The following CHST8 variants were observed in gnomAD, a reference collection of about 807,000 sequenced individuals.
CHST8 encodes carbohydrate sulfotransferase 8, also known as GALNAC-4-ST1.
In CHST8, 10 loss-of-function variants were observed where a neutral mutation model predicts 15.0. The ratio of observed to expected loss-of-function variants is 0.67; its 90% CI spans 0.41 to 1.13. CHST8 has a LOEUF of 1.13. CHST8 is among the 50% of genes most tolerant of loss of function. The probability of loss-of-function intolerance (pLI) is 0.00; values close to 1 mark genes in which losing one functional copy is unlikely to be tolerated. For missense variants in CHST8, 634 were observed against 608.2 expected (o/e 1.04, Z -0.45); for synonymous variants, 259 against 256.6 (o/e 1.01, Z -0.09).
chr19:33,694,052 A>G (rs2145264727), intron 3 of CHST8, among the ~76,000 whole-genome samples: 1 of 140,704 alleles, frequency 7.1e-6, no homozygotes, highest in South Asian at 2.3e-4. Flanking sequence ...ATATGTATAT[A>G]AAACTACAAT....
At chr19:33,682,456 G>A (rs1203675842) in intron 2 of CHST8, among the ~76,000 whole-genome samples, 2 of 152,112 alleles carry the variant, frequency 1.3e-5, no homozygotes, top group African/African-American at 4.8e-5. Context: ...CAGTCCAGTG[G>A]CATTAATTAC....
At chr19:33,719,066 C>A (rs1328992968) in intron 3 of CHST8, among the ~76,000 whole-genome samples, 1 of 152,102 alleles carries the variant, frequency 6.6e-6, no homozygotes, top group Non-Finnish European at 1.5e-5. Context: ...TCCTCTCCCC[C>A]ACCCCCCTGC....
Position 33,703,190 on chromosome 19 carries a change from C to A in CHST8, c.130+13799C>A, listed in dbSNP as rs1198118336. On this transcript the variant is annotated intron_variant, in intron 3 of 4. Transcript: ENST00000650847. ...GCCCTTTGCCCGGCTCTGTCCCCTTCCCCCAGCCTCACTTGGCCTGGAGTC... is the reference window on the plus strand; with the variant it reads ...GCCCTTTGCCCGGCTCTGTCCCCTTACCCCAGCCTCACTTGGCCTGGAGTC... 5.9e-5 allele frequency among the ~76,000 whole-genome samples: 9 copies of A among 152,314 alleles called. No homozygotes were observed. The East Asian group carries it at 1.7e-3, about 29-fold the overall frequency.
intron 3 of CHST8, among the ~76,000 whole-genome samples, chr19:33,757,939 G>T (rs1423987839): frequency 6.7e-6 from 1 of 149,640 alleles, no homozygotes; most frequent in Non-Finnish European, 1.5e-5. Flanking sequence ...CCAGCCCTTG[G>T]CTGGACCTGA....
chr19:33,631,858 G>A (rs1330482656), intron 1 of CHST8, among the ~76,000 whole-genome samples: 1 of 152,120 alleles, frequency 6.6e-6, no homozygotes, highest in Non-Finnish European at 1.5e-5. Context: ...CTTACCACTC[G>A]GTCACTGTGT....
At chr19:33,750,542 C>T (rs1007011720) in intron 3 of CHST8, among the ~76,000 whole-genome samples, 2 of 152,146 alleles carry the variant, frequency 1.3e-5, no homozygotes, top group South Asian at 2.1e-4. Context: ...ATAAGCCATC[C>T]CTGAAGGCTG....
At chr19:33,762,549 A>G (rs1407428092) in intron 3 of CHST8, among the ~76,000 whole-genome samples, 1 of 152,244 alleles carries the variant, frequency 6.6e-6, no homozygotes, top group Non-Finnish European at 1.5e-5. Flanking sequence ...AGGAAGATGC[A>G]GGCTCCGCTC....
At chr19:33,625,133 T>C (rs1333973118) in intron 1 of CHST8, among the ~76,000 whole-genome samples, 1 of 151,878 alleles carries the variant, frequency 6.6e-6, no homozygotes, top group Non-Finnish European at 1.5e-5. Flanking sequence ...TTGCCCAGGC[T>C]AGAGTGCAAT....
chr19:33,682,275 C>T (rs548834553), intron 2 of CHST8, among the ~76,000 whole-genome samples: 1 of 150,218 alleles, frequency 6.7e-6, no homozygotes, highest in Non-Finnish European at 1.5e-5. Flanking sequence ...TCACTGCAAC[C>T]TCTGCCTCCC....
intron 2 of CHST8, chr19:33,684,557 C>A (rs1170901145): frequency 6.6e-6 from 1 of 152,604 alleles, no homozygotes; most frequent in East Asian, 1.9e-4. Context: ...GCTGCCGCCG[C>A]CGCCGCTGCC....
intron 2 of CHST8, among the ~76,000 whole-genome samples, chr19:33,676,449 A>C (rs1025521762): frequency 2.0e-5 from 3 of 152,008 alleles, no homozygotes; most frequent in African/African-American, 7.3e-5. Flanking sequence ...ACACGCCTGT[A>C]GTCCCAGCTA....
intron 3 of CHST8, among the ~76,000 whole-genome samples, chr19:33,728,188 TA>T (rs1354223313): frequency 1.3e-5 from 2 of 152,280 alleles, no homozygotes; most frequent in African/African-American, 4.8e-5. Context: ...CTCTTTCATG[TA>T]AATTTCATCC....
At chr19:33,680,937 G>A (rs1972878668) in intron 2 of CHST8, among the ~76,000 whole-genome samples, 1 of 152,074 alleles carries the variant, frequency 6.6e-6, no homozygotes, top group South Asian at 2.1e-4. Context: ...ACAGTTGTAA[G>A]AAATAATGCA....
At chr19:33,674,577 A>C (rs1469050091) in intron 2 of CHST8, among the ~76,000 whole-genome samples, 3 of 152,168 alleles carry the variant, frequency 2.0e-5, no homozygotes, top group African/African-American at 7.2e-5. Context: ...ATCGTGGAAA[A>C]TTAGCTTCCA....
chr19:33,692,500 C>G (rs1315679055), intron 3 of CHST8, among the ~76,000 whole-genome samples: 2 of 152,064 alleles, frequency 1.3e-5, no homozygotes, highest in Non-Finnish European at 2.9e-5. Context: ...GAGTTCTAGA[C>G]CAGCCTGGGC....
At chr19:33,697,549 C>A (rs73591087) in intron 3 of CHST8, among the ~76,000 whole-genome samples, 4,769 of 152,222 alleles carry the variant, frequency 0.031, 272 homozygotes, top group African/African-American at 0.11. Flanking sequence ...TACTTTAAAA[C>A]CCCTATGAGT....
intron 1 of CHST8, among the ~76,000 whole-genome samples, chr19:33,653,632 G>A (rs1032923285): frequency 1.3e-5 from 2 of 152,204 alleles, no homozygotes; most frequent in East Asian, 1.9e-4. Context: ...TTAAGAACAC[G>A]GACTCTGGAG....
chr19:33,729,775 G>A (rs964573703), intron 3 of CHST8, among the ~76,000 whole-genome samples: 2 of 152,194 alleles, frequency 1.3e-5, no homozygotes, highest in Non-Finnish European at 2.9e-5. Context: ...GTTTGGGCCT[G>A]GGGTTTTTAA....
chr19:33,663,582 C>T lies in CHST8; in HGVS notation c.-163-4185C>T, dbSNP rs560662057. On this transcript the variant is annotated intron_variant, in intron 1 of 4. Coordinates refer to ENST00000650847, the MANE Select transcript of CHST8 (RefSeq NM_001127895.2). ...CTGTCCCCCAAAAAGGTTTAAAAAG[C>T]AGGAGGGGCCAGGTGCAGTGGCTCA... 1.1e-4 allele frequency among the ~76,000 whole-genome samples: 16 copies of T among 152,144 alleles called. No individual in the cohort carries two copies. The East Asian group carries it at 3.1e-3, about 29-fold the overall frequency.
Sources: allele counts gnomAD v4.1 joint callset (sites outside exome capture counted in the v4.1 genomes callset), GRCh38; gene constraint gnomAD v4.1.1; transcripts MANE v1.5; gene names NCBI Gene and HGNC (gene_info 2026-07-23, HGNC 2026-07-21).